TOPAZ1: variants seen among roughly 807,000 people sequenced by gnomAD.
TOPAZ1 encodes the protein protein TOPAZ1.
TOPAZ1 carries 66 observed loss-of-function variants against 172.2 expected under a neutral mutation model. That is an observed-to-expected ratio of 0.38 (90% CI 0.31 to 0.47). TOPAZ1 has a LOEUF of 0.47. Ranked by LOEUF, TOPAZ1 falls within the 20% of genes least tolerant of loss-of-function variation. TOPAZ1 has a pLI of 0.99. For missense variants in TOPAZ1, 1,822 were observed against 1,972.4 expected (o/e 0.92, Z 1.44); for synonymous variants, 681 against 683.9 (o/e 1.00, Z 0.07).
chr3:44,243,280 T>G lies in TOPAZ1; in HGVS notation c.774T>G (p.Asn258Lys). 6.4e-7 allele frequency: 1 copy of G among 1,551,466 alleles called. No homozygotes were observed. The highest frequency in any genetic ancestry group is 1.4e-5 in the African/African-American group (1 of 73,124). ...GTGGATGTATGCATGTAGCAGAAAATTTCTCAAAGAAAGAAAACCTTAGGA... is the reference window on the plus strand; with the variant it reads ...GTGGATGTATGCATGTAGCAGAAAAGTTCTCAAAGAAAGAAAACCTTAGGA... ...PDGGCMHVAE[N>K]FSKKENLRSL... Residue 258 changes from asparagine to lysine, a missense_variant, in exon 2 of 20, where the codon AAT becomes AAG. Asn to Lys is a moderately conservative substitution (Grantham distance 94). Transcript: ENST00000309765.
At chr3:44,275,134 G>A (rs1021972876) in intron 8 of TOPAZ1, among the ~76,000 whole-genome samples, 1 of 151,872 alleles carries the variant, frequency 6.6e-6, no homozygotes, top group African/African-American at 2.4e-5. Context: ...TGTGAATCAA[G>A]ATCATAATGA....
At chr3:44,278,509 A>G (rs890599577) in intron 8 of TOPAZ1, among the ~76,000 whole-genome samples, 4 of 152,178 alleles carry the variant, frequency 2.6e-5, no homozygotes, top group East Asian at 1.9e-4. Context: ...TCCTGATGCA[A>G]TCTCATTACT....
chr3:44,292,791 G>A (rs1700152248), intron 12 of TOPAZ1, among the ~76,000 whole-genome samples: 1 of 152,054 alleles, frequency 6.6e-6, no homozygotes, highest in South Asian at 2.1e-4. Context: ...TTTGTATTAG[G>A]GACATTCCAG....
At chr3:44,248,513 A>C (rs751592668) in intron 2 of TOPAZ1, among the ~76,000 whole-genome samples, 3 of 152,222 alleles carry the variant, frequency 2.0e-5, no homozygotes, top group Non-Finnish European at 4.4e-5. Context: ...CTAGTTTTGT[A>C]GTCATCCACA....
At chr3:44,296,299 C>T (rs994577517) in intron 12 of TOPAZ1, among the ~76,000 whole-genome samples, 2 of 151,712 alleles carry the variant, frequency 1.3e-5, no homozygotes, top group Non-Finnish European at 2.9e-5. Flanking sequence ...TCAAAGTAAG[C>T]ATAAGAAAGG....
At chr3:44,257,352 G>T (rs1051697606) in intron 4 of TOPAZ1, among the ~76,000 whole-genome samples, 5 of 110,384 alleles carry the variant, frequency 4.5e-5, no homozygotes, top group African/African-American at 1.9e-4. Flanking sequence ...AAAACATAGG[G>T]GTGTGTGTGT....
chr3:44,273,243 G>A (rs1185179274), intron 8 of TOPAZ1, among the ~76,000 whole-genome samples: 1 of 152,096 alleles, frequency 6.6e-6, no homozygotes, highest in Non-Finnish European at 1.5e-5. Flanking sequence ...TATTTTTTCT[G>A]AAGTTTTTCT....
chr3:44,287,961 C>G (rs2125693222), intron 11 of TOPAZ1, 122 bp downstream of exon 11: 1 of 602,916 alleles, frequency 1.7e-6, no homozygotes, highest in East Asian at 3.2e-5. Context: ...AATTCTATTT[C>G]CAGAAGTATT....
At chr3:44,317,804 A>T (rs1298386791) in intron 16 of TOPAZ1, among the ~76,000 whole-genome samples, 1 of 152,208 alleles carries the variant, frequency 6.6e-6, no homozygotes, top group African/African-American at 2.4e-5. Flanking sequence ...ACTGTTTCTT[A>T]TTCTTGGGAA....
intron 5 of TOPAZ1, among the ~76,000 whole-genome samples, 152 bp from the exon 6 acceptor site, chr3:44,266,845 C>T (rs1699835141): frequency 1.3e-5 from 2 of 152,090 alleles, no homozygotes; most frequent in African/African-American, 2.4e-5. Flanking sequence ...ACCAATTAGA[C>T]TTGCTCGACT....
intron 2 of TOPAZ1, among the ~76,000 whole-genome samples, chr3:44,251,958 T>C (rs1451598564): frequency 2.0e-5 from 3 of 152,200 alleles, no homozygotes; most frequent in Admixed American, 1.3e-4. Context: ...TTTCTCACTT[T>C]ATGATTTTTT....
At chr3:44,300,264 C>T (rs945114821) in intron 12 of TOPAZ1, among the ~76,000 whole-genome samples, 3 of 151,910 alleles carry the variant, frequency 2.0e-5, no homozygotes, top group African/African-American at 7.3e-5. Context: ...AAAACCCCAT[C>T]TCTACTAAAA....
At chr3:44,269,554 C>A (rs567682998) in intron 7 of TOPAZ1, among the ~76,000 whole-genome samples, 2 of 116,800 alleles carry the variant, frequency 1.7e-5, no homozygotes, top group East Asian at 5.4e-4. Flanking sequence ...GGCATGATCT[C>A]GGCTCACTGC....
In TOPAZ1 at chr3:44,309,995, G is replaced by GTCCTTT. The variant is rs1375207791; in HGVS notation, c.4306+9_4306+10insTTTCCT. 6.5e-7 allele frequency: 1 copy of GTCCTTT among 1,538,004 alleles called. No homozygotes were observed. Among genetic ancestry groups the GTCCTTT allele is most frequent in the African/African-American group, 1.4e-5 (1 of 71,936 alleles). ...GTGCCATTTGGGTAATGAGGGGTAA[G>GTCCTTT]TCCTGATATATGCAAGCATAAAATA... On this transcript the variant is annotated splice_donor_region_variant and intron_variant, in intron 16 of 19. Coordinates refer to ENST00000309765, the MANE Select transcript of TOPAZ1 (RefSeq NM_001145030.2).
At chr3:44,255,670 T>TATACAC (rs1202865847) in intron 3 of TOPAZ1, among the ~76,000 whole-genome samples, 27 of 46,358 alleles carry the variant, frequency 5.8e-4, no homozygotes, top group African/African-American at 1.8e-3. Context: ...AAAATATATA[T>TATACAC]ACACACACAC....
intron 7 of TOPAZ1, among the ~76,000 whole-genome samples, chr3:44,270,004 G>T (rs1699878520): frequency 6.6e-6 from 1 of 152,158 alleles, no homozygotes. Flanking sequence ...AATAAGTAGT[G>T]AGTTAGAGGA....
intron 12 of TOPAZ1, among the ~76,000 whole-genome samples, chr3:44,299,070 G>A (rs4682964): frequency 0.44 from 64,463 of 147,318 alleles, 15,746 homozygotes; most frequent in East Asian, 0.8. Flanking sequence ...TTACAGATGC[G>A]TGCCACCATG....
intron 2 of TOPAZ1, among the ~76,000 whole-genome samples, chr3:44,247,881 T>C (rs9681701): frequency 0.48 from 72,604 of 152,074 alleles, 18,215 homozygotes; most frequent in East Asian, 0.8. Context: ...CAACTCCTGA[T>C]GTCAAGTGAT....
At chr3:44,260,321 T>C (rs1376563966) in intron 4 of TOPAZ1, among the ~76,000 whole-genome samples, 1 of 152,236 alleles carries the variant, frequency 6.6e-6, no homozygotes, top group Non-Finnish European at 1.5e-5. Flanking sequence ...ATATCTATTC[T>C]TGTCATATGT....
Sources: allele counts gnomAD v4.1 joint callset (sites outside exome capture counted in the v4.1 genomes callset), GRCh38; gene constraint gnomAD v4.1.1; transcripts MANE v1.5; gene names NCBI Gene and HGNC (gene_info 2026-07-23, HGNC 2026-07-21).